ZFAND3: variants seen among roughly 807,000 people sequenced by gnomAD.
The protein encoded by ZFAND3 is AN1-type zinc finger protein 3.
A neutral mutation model predicts 29.6 loss-of-function variants in ZFAND3; 10 were observed. The ratio of observed to expected loss-of-function variants is 0.34; its 90% CI spans 0.21 to 0.57. The LOEUF (loss-of-function observed/expected upper bound fraction) is 0.57, where lower values mean the gene tolerates loss of function less well. Among genes scored for constraint, ZFAND3 ranks in the 20% least tolerant of loss-of-function variants. The pLI is 0.86. For synonymous variants in ZFAND3, 128 were observed against 112.6 expected (o/e 1.14, Z -0.87); for missense variants, 230 against 304.5 (o/e 0.76, Z 1.82).
At chr6:37,877,769 C>T (rs1359882062) in intron 1 of ZFAND3, among the ~76,000 whole-genome samples, 4 of 152,200 alleles carry the variant, frequency 2.6e-5, no homozygotes, top group African/African-American at 9.7e-5. Context: ...TTAATAGCTT[C>T]TTCTGGGAAC....
rs116467444 is a variant in ZFAND3, at chr6:37,835,016, A to G, written c.71+15000A>G. Among the ~76,000 whole-genome samples, 468 of 152,112 alleles carry G rather than the reference A, an allele frequency of 3.1e-3. 3 individuals carry two copies. Among genetic ancestry groups the G allele is most frequent in the African/African-American group, 0.011 (445 of 41,492 alleles). On this transcript the variant is annotated intron_variant, in intron 1 of 5. Transcript: ENST00000287218. ...ATAAAGTTATTGCATTTTTCTTTTA[A>G]TTTATATTTCTCTGATGACTAACAA...
At chr6:38,149,013 G>A (rs915877552) in intron 5 of ZFAND3, among the ~76,000 whole-genome samples, 1 of 152,092 alleles carries the variant, frequency 6.6e-6, no homozygotes. Context: ...TGCTACCAGC[G>A]CTGCTCCCAA....
chr6:37,931,898 C>T (rs1223837922), intron 2 of ZFAND3, among the ~76,000 whole-genome samples: 1 of 152,138 alleles, frequency 6.6e-6, no homozygotes. Context: ...TGGAATTTGT[C>T]AGATACTTAG....
intron 1 of ZFAND3, among the ~76,000 whole-genome samples, chr6:37,919,791 C>T (rs141697202): frequency 1.6e-3 from 241 of 152,334 alleles, no homozygotes; most frequent in Middle Eastern, 0.01. Context: ...ACCGAATCCT[C>T]CCCTTTTTAT....
chr6:37,892,845 A>G (rs1765128580), intron 1 of ZFAND3, among the ~76,000 whole-genome samples: 1 of 152,226 alleles, frequency 6.6e-6, no homozygotes, highest in South Asian at 2.1e-4. Flanking sequence ...AGCAGATTAT[A>G]TAACTTAGAG....
chr6:38,015,754 A>G (rs1297769427), intron 2 of ZFAND3, among the ~76,000 whole-genome samples: 3 of 152,238 alleles, frequency 2.0e-5, no homozygotes, highest in Non-Finnish European at 2.9e-5. Context: ...GTATTAAAAC[A>G]TGCATTGGAA....
rs1766286319 is a variant in ZFAND3, at chr6:38,153,724, G to GTGGGGC, written c.*1346_*1351dup. 4.1e-6 allele frequency: 4 copies of GTGGGGC among 985,362 alleles called. No individual in the cohort carries two copies. The highest frequency in any genetic ancestry group is 5.2e-4 in the Middle Eastern group (1 of 1,936). The allele number at this position is 985,362 out of a possible 1,614,324, so 61.0% of individuals were successfully genotyped here. On this transcript the variant is annotated 3_prime_UTR_variant, in exon 6 of 6. Transcript: ENST00000287218. ...ATGTTAGGAAATCACTACCAGTCAG[G>GTGGGGC]TGGGGCTGGGGCTGGGTGGACAGGA... is the stretch of plus-strand genomic sequence containing the variant.
intron 2 of ZFAND3, among the ~76,000 whole-genome samples, chr6:38,057,407 T>A (rs1764151297): frequency 6.6e-6 from 1 of 152,236 alleles, no homozygotes; most frequent in Non-Finnish European, 1.5e-5. Flanking sequence ...GATGCAAATA[T>A]CAGGGCCAAA....
chr6:38,144,218 A>T (rs1180383289), intron 5 of ZFAND3, among the ~76,000 whole-genome samples: 23 of 31,444 alleles, frequency 7.3e-4, no homozygotes, highest in East Asian at 2.1e-3. Flanking sequence ...TATAATATAT[A>T]ATATATATAT....
At chr6:37,931,237 A>G (rs1387818423) in intron 2 of ZFAND3, among the ~76,000 whole-genome samples, 1 of 152,162 alleles carries the variant, frequency 6.6e-6, no homozygotes, top group Non-Finnish European at 1.5e-5. Context: ...TTTTTAGTAA[A>G]TGATCTAAGA....
intron 1 of ZFAND3, among the ~76,000 whole-genome samples, chr6:37,831,178 C>A (rs1431762866): frequency 6.6e-6 from 1 of 152,190 alleles, no homozygotes; most frequent in Non-Finnish European, 1.5e-5. Context: ...AGCTCTGATG[C>A]CTCTCAAGCC....
chr6:37,820,075 A>G (rs1385590503), intron 1 of ZFAND3, 59 bp downstream of exon 1: 3 of 1,122,754 alleles, frequency 2.7e-6, no homozygotes, highest in Non-Finnish European at 3.3e-6. Flanking sequence ...ACGCCAGGGC[A>G]GCCTGGGCAG....
intron 5 of ZFAND3, among the ~76,000 whole-genome samples, chr6:38,138,148 T>TTAA (rs1765878555): frequency 6.6e-6 from 1 of 151,686 alleles, no homozygotes; most frequent in Non-Finnish European, 1.5e-5. Flanking sequence ...CTTGTCTCTA[T>TTAA]TAAAGAAAGA....
intron 2 of ZFAND3, among the ~76,000 whole-genome samples, chr6:37,975,099 T>C (rs1762456871): frequency 6.6e-6 from 1 of 152,262 alleles, no homozygotes; most frequent in Admixed American, 6.5e-5. Flanking sequence ...TCAACATTCC[T>C]ACCAGCAGTG....
chr6:38,128,146 T>A (rs1273747494), intron 5 of ZFAND3, among the ~76,000 whole-genome samples: 1 of 152,236 alleles, frequency 6.6e-6, no homozygotes, highest in Non-Finnish European at 1.5e-5. Flanking sequence ...TTAGTCAAAA[T>A]AATCGGATTT....
intron 2 of ZFAND3, among the ~76,000 whole-genome samples, chr6:37,997,553 T>G (rs1762872322): frequency 6.6e-6 from 1 of 152,196 alleles, no homozygotes; most frequent in Admixed American, 6.5e-5. Flanking sequence ...CAAGCTAGTT[T>G]CTACTTGAAG....
At chr6:37,833,915 A>T (rs1438667021) in intron 1 of ZFAND3, among the ~76,000 whole-genome samples, 1 of 151,936 alleles carries the variant, frequency 6.6e-6, no homozygotes. Context: ...GAGAGTTCCC[A>T]TATACCCTTT....
At chr6:37,900,953 G>A (rs142145996) in intron 1 of ZFAND3, among the ~76,000 whole-genome samples, 4 of 152,228 alleles carry the variant, frequency 2.6e-5, no homozygotes, top group Non-Finnish European at 5.9e-5. Flanking sequence ...TTTAATAGAG[G>A]GGAACTGAGT....
chr6:38,062,383 C>CTT (rs1280049811), intron 3 of ZFAND3: 1 of 151,650 alleles, frequency 6.6e-6, no homozygotes, highest in Non-Finnish European at 1.5e-5. Flanking sequence ...TCACTGTCTA[C>CTT]TTAATTTCTT....
Sources: gnomAD v4.1 joint callset for allele counts (sites outside exome capture counted in the v4.1 genomes callset) on GRCh38, gnomAD v4.1.1 for gene constraint, MANE v1.5 for transcripts, NCBI Gene and HGNC (gene_info 2026-07-23, HGNC 2026-07-21) for gene names.